UVRAG: variants seen among roughly 807,000 people sequenced by gnomAD.
UVRAG encodes the protein UV radiation resistance associated.
In UVRAG, 19 loss-of-function variants were observed where a neutral mutation model predicts 78.0. The observed-to-expected ratio is 0.24, with a 90% confidence interval of 0.17 to 0.36. The LOEUF (loss-of-function observed/expected upper bound fraction) is 0.36. UVRAG is among the 10% of genes least tolerant of loss of function. The pLI, the probability that UVRAG is intolerant of heterozygous loss-of-function variation, is 1.00. For missense variants in UVRAG, 740 were observed against 853.8 expected (o/e 0.87, Z 1.66); for synonymous variants, 323 against 324.6 (o/e 1.00, Z 0.05).
chr11:76,024,588 C>G (rs1383438844), intron 12 of UVRAG, among the ~76,000 whole-genome samples: 1 of 152,000 alleles, frequency 6.6e-6, no homozygotes, highest in African/African-American at 2.4e-5. Context: ...TAGTACTTTT[C>G]TTAGTGTTAC....
chr11:76,022,890 AC>A (rs1275859755), intron 12 of UVRAG, among the ~76,000 whole-genome samples: 2 of 151,830 alleles, frequency 1.3e-5, no homozygotes, highest in Non-Finnish European at 2.9e-5. Context: ...TTTGAGGTGT[AC>A]CCTTTTGATT....
At chr11:76,137,380 G>T (rs1466684492) in intron 14 of UVRAG, 2 of 456,018 alleles carry the variant, frequency 4.4e-6, no homozygotes, top group East Asian at 1.4e-4. Context: ...TTGTGTCATC[G>T]CTCAGTAATG....
chr11:75,827,000 C>T (rs765943762), intron 1 of UVRAG, among the ~76,000 whole-genome samples: 1 of 152,042 alleles, frequency 6.6e-6, no homozygotes, highest in Non-Finnish European at 1.5e-5. Flanking sequence ...GCGTTTTTTC[C>T]TACTGTGGTT....
intron 1 of UVRAG, among the ~76,000 whole-genome samples, chr11:75,828,786 T>C (rs1356876282): frequency 3.0e-4 from 21 of 70,700 alleles, no homozygotes; most frequent in African/African-American, 9.2e-4. Context: ...CACACATATA[T>C]ATATATATAT....
At chr11:75,924,956 G>A (rs1948064239) in intron 6 of UVRAG, among the ~76,000 whole-genome samples, 2 of 152,152 alleles carry the variant, frequency 1.3e-5, no homozygotes, top group Admixed American at 6.5e-5. Flanking sequence ...GAATAAAATA[G>A]GAAGAATAAA....
chr11:75,873,723 G>A (rs1387073843), intron 3 of UVRAG, among the ~76,000 whole-genome samples: 3 of 152,180 alleles, frequency 2.0e-5, no homozygotes, highest in Admixed American at 2.0e-4. Context: ...TACGCAGCTT[G>A]CTTGTTTGTC....
At chr11:75,883,388 G>GAAAAAAAAAAAAGAAAAA (rs1946996984) in intron 4 of UVRAG, among the ~76,000 whole-genome samples, 1 of 108,720 alleles carries the variant, frequency 9.2e-6, no homozygotes. Flanking sequence ...AAAAAGAAAA[G>GAAAAAAAAAAAAGAAAAA]AAAAAAAAAA....
At chr11:75,910,655 AG>A (rs747159234) in intron 5 of UVRAG, among the ~76,000 whole-genome samples, 3 of 151,754 alleles carry the variant, frequency 2.0e-5, no homozygotes, top group African/African-American at 7.3e-5. Flanking sequence ...TTATCAAGAC[AG>A]GGGAATTGCA....
At chr11:75,858,289 T>C (rs1434414564) in intron 2 of UVRAG, among the ~76,000 whole-genome samples, 1 of 152,198 alleles carries the variant, frequency 6.6e-6, no homozygotes, top group Non-Finnish European at 1.5e-5. Context: ...TTTCCTGAGA[T>C]TCTTTATGCA....
At chr11:75,916,107 A>G (rs916623098) in intron 6 of UVRAG, 8 of 151,988 alleles carry the variant, frequency 5.3e-5, no homozygotes, top group African/African-American at 1.7e-4. Flanking sequence ...TATAGTTTTC[A>G]TTGTTTTTTT....
At chr11:75,950,648 A>G (rs1315000006) in intron 6 of UVRAG, among the ~76,000 whole-genome samples, 1 of 152,076 alleles carries the variant, frequency 6.6e-6, no homozygotes, top group Non-Finnish European at 1.5e-5. Context: ...GTAGTTATAC[A>G]TTTTTACAGT....
chr11:75,879,494 T>C (rs1946890363), intron 3 of UVRAG, among the ~76,000 whole-genome samples: 1 of 152,244 alleles, frequency 6.6e-6, no homozygotes, highest in South Asian at 2.1e-4. Flanking sequence ...TATTGAACTT[T>C]GCACAAAACA....
chr11:75,978,218 A>G (rs1012647580), intron 7 of UVRAG, among the ~76,000 whole-genome samples: 8 of 151,924 alleles, frequency 5.3e-5, no homozygotes, highest in Non-Finnish European at 1.5e-5. Flanking sequence ...TGGCTTGTAG[A>G]GTTTCTGCCA....
At chr11:76,124,832 C>T (rs1203596715) in intron 14 of UVRAG, among the ~76,000 whole-genome samples, 2 of 152,116 alleles carry the variant, frequency 1.3e-5, no homozygotes, top group Non-Finnish European at 2.9e-5. Context: ...AAGAAAATAC[C>T]TAAGAACTTT....
chr11:76,058,247 A>T (rs555755659), intron 12 of UVRAG, among the ~76,000 whole-genome samples: 21 of 152,268 alleles, frequency 1.4e-4, no homozygotes, highest in African/African-American at 4.8e-4. Context: ...AATGAGTTTT[A>T]GGTCCGGGCA....
At chr11:76,081,532 A>G (rs1951494040) in intron 13 of UVRAG, among the ~76,000 whole-genome samples, 1 of 152,020 alleles carries the variant, frequency 6.6e-6, no homozygotes, top group Non-Finnish European at 1.5e-5. Flanking sequence ...AATTTTTCTA[A>G]GCCTTGGCTC....
At chr11:76,091,126 C>T (rs894857022) in intron 13 of UVRAG, among the ~76,000 whole-genome samples, 1 of 152,138 alleles carries the variant, frequency 6.6e-6, no homozygotes, top group Non-Finnish European at 1.5e-5. Context: ...TTATTCTTCT[C>T]TGACTGAAAT....
At chr11:76,062,451 G>A (rs1440734234) in intron 12 of UVRAG, among the ~76,000 whole-genome samples, 1 of 152,126 alleles carries the variant, frequency 6.6e-6, no homozygotes, top group Non-Finnish European at 1.5e-5. Flanking sequence ...TCAATCTCCT[G>A]TAACGCATAT....
chr11:75,819,713 A>G (rs948388189), intron 1 of UVRAG, among the ~76,000 whole-genome samples: 1 of 151,380 alleles, frequency 6.6e-6, no homozygotes, highest in Non-Finnish European at 1.5e-5. Context: ...TCATGCCTCT[A>G]ATACCAGCAC....
Sources: allele counts gnomAD v4.1 joint callset (sites outside exome capture counted in the v4.1 genomes callset), GRCh38; gene constraint gnomAD v4.1.1; transcripts MANE v1.5; gene names NCBI Gene and HGNC (gene_info 2026-07-23, HGNC 2026-07-21).